Variants in BIRC5 observed in about 807,000 individuals in gnomAD.
BIRC5 encodes baculoviral IAP repeat containing 5, also known as baculoviral IAP repeat-containing protein 5.
BIRC5 carries 8 observed loss-of-function variants against 15.8 expected under a neutral mutation model. That is an observed-to-expected ratio of 0.51 (90% CI 0.30 to 0.91). The LOEUF (loss-of-function observed/expected upper bound fraction) is 0.91, where lower values mean the gene tolerates loss of function less well. Among genes scored for constraint, BIRC5 ranks in the 40% least tolerant of loss-of-function variants. The pLI, the probability that BIRC5 is intolerant of heterozygous loss-of-function variation, is 0.07. For missense variants in BIRC5, 163 were observed against 178.6 expected, an observed-to-expected ratio of 0.91 and a Z score of 0.50; for synonymous variants, 56 against 64.5, an observed-to-expected ratio of 0.87 and a Z score of 0.63.
At chr17:78,217,173 T>TG (rs2076484636) in intron 3 of BIRC5, among the ~76,000 whole-genome samples, 1 of 147,844 alleles carries the variant, frequency 6.8e-6, no homozygotes, top group Non-Finnish European at 1.5e-5. Context: ...CCACCACGCC[T>TG]GGCTTTTTTT....
chr17:78,216,862 G>A, intron 3 of BIRC5, 81 bp downstream of exon 3: 17 of 1,066,894 alleles, frequency 1.6e-5, no homozygotes, highest in Non-Finnish European at 2.3e-5. Flanking sequence ...AAGGGACTCT[G>A]TGTTTTCCTC....
intron 3 of BIRC5, chr17:78,222,853 A>C: frequency 6.5e-7 from 1 of 1,536,078 alleles, no homozygotes; most frequent in Non-Finnish European, 8.7e-7. Flanking sequence ...GCAGAATGAA[A>C]AAATTGGAAG....
intron 3 of BIRC5, among the ~76,000 whole-genome samples, chr17:78,217,968 T>TTATC (rs1237146421): frequency 6.6e-6 from 1 of 151,186 alleles, no homozygotes; most frequent in Non-Finnish European, 1.5e-5. Flanking sequence ...ATTTATTTAT[T>TTATC]TATTTATTTA....
chr17:78,214,691 T>A lies in BIRC5; in HGVS notation c.123T>A (p.Ala41=), dbSNP rs1162291859. The change falls in exon 2 of 4, where the codon GCT becomes GCA. Residue 41 remains alanine, a synonymous_variant. Transcript: ENST00000350051. ...CACTPERMAE[A]GFIHCPTENE... The stretch of plus-strand genomic sequence containing the variant: ...GCTGTCCCTTGCAGATGGCCGAGGC[T>A]GGCTTCATCCACTGCCCCACTGAGA... The A allele has an allele frequency of 6.2e-7, 1 of 1,606,006 alleles. No individual in the cohort carries two copies. The highest frequency in any genetic ancestry group is 1.1e-5 in the South Asian group (1 of 89,578).
chr17:78,222,899 C>T, intron 3 of BIRC5: 1 of 1,535,744 alleles, frequency 6.5e-7, no homozygotes. Flanking sequence ...AAAAGAATTT[C>T]TGTTCGAGGA....
chr17:78,217,545 A>G (rs1398299853), intron 3 of BIRC5, among the ~76,000 whole-genome samples: 3 of 151,536 alleles, frequency 2.0e-5, no homozygotes, highest in Admixed American at 6.6e-5. Flanking sequence ...CGCCCAGGCT[A>G]GAGTGCAGCG....
chr17:78,215,971 C>T lies in BIRC5; in HGVS notation c.222-693C>T, dbSNP rs115296168. ...TCTGCCCTTAATCCTTACAGTGGGC[C>T]GGGCACGGTGGCTTACGCCTGTAAT... On this transcript the variant is annotated intron_variant, in intron 2 of 3. Coordinates refer to ENST00000350051, the MANE Select transcript of BIRC5 (RefSeq NM_001168.3). The T allele has an allele frequency of 1.7e-4, 179 of 1,065,202 alleles. No homozygotes were observed. The African/African-American group carries it at 1.7e-3, about 10-fold the overall frequency. 66.0% of individuals were successfully genotyped at this position (1,065,202 alleles called of 1,614,324 possible).
At chr17:78,219,096 C>T (rs946935337) in intron 3 of BIRC5, among the ~76,000 whole-genome samples, 1 of 152,116 alleles carries the variant, frequency 6.6e-6, no homozygotes, top group African/African-American at 2.4e-5. Flanking sequence ...GAGGTTAGAC[C>T]CCCTATCCCA....
intron 3 of BIRC5, among the ~76,000 whole-genome samples, chr17:78,221,799 A>G (rs985608908): frequency 2.0e-5 from 3 of 152,224 alleles, no homozygotes; most frequent in Non-Finnish European, 4.4e-5. Flanking sequence ...AAGAAACTGA[A>G]TAATCCATGT....
chr17:78,223,672 A>AT lies in BIRC5; in HGVS notation c.*122dup, dbSNP rs780850257. 9.8e-6 allele frequency: 15 copies of AT among 1,524,288 alleles called. No individual in the cohort carries two copies. The highest frequency in any genetic ancestry group is 1.3e-5 in the Non-Finnish European group (15 of 1,133,270). 94.4% of individuals were successfully genotyped at this position (1,524,288 alleles called of 1,614,324 possible). A position where few individuals can be genotyped will look rare whatever the true frequency, so the allele number is the denominator to read the frequency against. On this transcript the variant is annotated 3_prime_UTR_variant, in exon 4 of 4. Coordinates refer to ENST00000350051, the MANE Select transcript of BIRC5 (RefSeq NM_001168.3). Reference sequence around the variant, plus strand: ...CAATGTCTTAGGAAAGGAGATCAACATTTTCAAATTAGATGTTTCAACTGT... The same window carrying AT: ...CAATGTCTTAGGAAAGGAGATCAACATTTTTCAAATTAGATGTTTCAACTGT...
chr17:78,219,247 C>T (rs143036281), intron 3 of BIRC5, among the ~76,000 whole-genome samples: 151 of 152,206 alleles, frequency 9.9e-4, no homozygotes, highest in African/African-American at 3.3e-3. Flanking sequence ...TGTGGTGGTG[C>T]GATCTTGGCT....
rs371312590 is a variant in BIRC5, at chr17:78,214,733, C to G, written c.165C>G (p.Ala55=). ...CCACTGAGAACGAGCCAGACTTGGC[C>G]CAGTGTTTCTTCTGCTTCAAGGAGC... ...HCPTENEPDL[A]QCFFCFKELE... The change falls in exon 2 of 4, where the codon GCC becomes GCG. Residue 55 remains alanine, a synonymous_variant. Coordinates refer to ENST00000350051, the MANE Select transcript of BIRC5 (RefSeq NM_001168.3). 5.2e-5 allele frequency: 84 copies of G among 1,612,908 alleles called. No homozygotes were observed. Among genetic ancestry groups the G allele is most frequent in the Middle Eastern group, 3.4e-4 (2 of 5,946 alleles).
At chr17:78,216,878 G>T in intron 3 of BIRC5, 97 bp downstream of exon 3, 1 of 943,876 alleles carries the variant, frequency 1.1e-6, no homozygotes, top group African/African-American at 1.7e-5. Flanking sequence ...TCCTCAGGAA[G>T]CATTTTTTTT....
chr17:78,219,498 T>A (rs2076501842), intron 3 of BIRC5, among the ~76,000 whole-genome samples: 1 of 152,174 alleles, frequency 6.6e-6, no homozygotes, highest in South Asian at 2.1e-4. Flanking sequence ...ATATAGTGGC[T>A]TTTAAGTGCT....
Position 78,216,642 on chromosome 17 carries a change from G to C in BIRC5, c.222-22G>C. On this transcript the variant is annotated intron_variant, in intron 2 of 3. Transcript: ENST00000350051. The stretch of plus-strand genomic sequence containing the variant: ...CTTTAATCCCTTCAGCTGCCTTTCC[G>C]CTGTTGTTTTGATTTTTCTAGAGAG... 7 of 1,608,542 alleles carry C rather than the reference G, an allele frequency of 4.4e-6. 1 individual carries two copies. The Middle Eastern group carries it at 5.0e-4, about 114-fold the overall frequency.
At chr17:78,221,014 C>T (rs8075027) in intron 3 of BIRC5, among the ~76,000 whole-genome samples, 62,486 of 152,152 alleles carry the variant, frequency 0.41, 13,053 homozygotes, top group African/African-American at 0.49. Context: ...AGCTGAGGCC[C>T]GGCCATCCAG....
In BIRC5 at chr17:78,224,881, C is replaced by G. The variant is rs1198999230; in HGVS notation, c.*1327C>G. ...AGACCTGTTTGTATCATCCGGGCTC[C>G]TTCCGGGCAGAAACAACTGAAAATG... On this transcript the variant is annotated 3_prime_UTR_variant, in exon 4 of 4. Transcript: ENST00000350051. 1 of 152,204 alleles carries G rather than the reference C, an allele frequency of 6.6e-6. No individual in the cohort carries two copies. The allele number at this position is 152,204 out of a possible 1,614,324, so 9.4% of individuals were successfully genotyped here. A position where few individuals can be genotyped will look rare whatever the true frequency, so the allele number is the denominator to read the frequency against.
chr17:78,214,664 G>C lies in BIRC5; in HGVS notation c.112-16G>C. 6.3e-7 allele frequency: 1 copy of C among 1,588,130 alleles called. No homozygotes were observed. The highest frequency in any genetic ancestry group is 8.6e-7 in the Non-Finnish European group (1 of 1,168,454). On this transcript the variant is annotated splice_polypyrimidine_tract_variant and intron_variant, in intron 1 of 3. Coordinates refer to ENST00000350051, the MANE Select transcript of BIRC5 (RefSeq NM_001168.3). ...GGGCTGCCACGTCCACTCACGAGCT[G>C]TGCTGTCCCTTGCAGATGGCCGAGG... is the stretch of plus-strand genomic sequence containing the variant.
intron 3 of BIRC5, among the ~76,000 whole-genome samples, chr17:78,221,424 A>AT (rs979926848): frequency 1.3e-4 from 19 of 146,974 alleles, no homozygotes; most frequent in East Asian, 4.0e-4. Context: ...CTAATTTTAA[A>AT]TTTTTTTTTT....
Sources: gnomAD v4.1 joint callset for allele counts (sites outside exome capture counted in the v4.1 genomes callset) on GRCh38, gnomAD v4.1.1 for gene constraint, MANE v1.5 for transcripts, NCBI Gene and HGNC (gene_info 2026-07-23, HGNC 2026-07-21) for gene names.